ERGIC1: variants seen among roughly 807,000 people sequenced by gnomAD.
ERGIC1 encodes the protein endoplasmic reticulum-Golgi intermediate compartment protein 1.
Under a neutral mutation model 38.3 loss-of-function variants are expected in ERGIC1, and 19 were observed. The observed-to-expected ratio is 0.50, with a 90% confidence interval of 0.35 to 0.73. The LOEUF is 0.73. ERGIC1 is among the 30% of genes least tolerant of loss of function. The pLI is 0.01. For synonymous variants in ERGIC1, 124 were observed against 157.6 expected, an observed-to-expected ratio of 0.79 and a Z score of 1.60; for missense variants, 294 against 389.2, an observed-to-expected ratio of 0.76 and a Z score of 2.06.
rs543040224 is a variant in ERGIC1, at chr5:172,838,845, C to G, written c.20+4412C>G. Among the ~76,000 whole-genome samples the G allele has an allele frequency of 1.4e-4, 21 of 152,354 alleles. No homozygotes were observed. The South Asian group carries it at 4.1e-3, about 30-fold the overall frequency. On this transcript the variant is annotated intron_variant, in intron 1 of 9. Coordinates refer to ENST00000393784, the MANE Select transcript of ERGIC1 (RefSeq NM_001031711.3). The stretch of plus-strand genomic sequence containing the variant: ...GACCTCTGAGCACAGAGTTAACATT[C>G]AGCAGAGAGTAGCTAACATGAATGC...
intron 1 of ERGIC1, chr5:172,867,314 A>G (rs1309995248): frequency 2.4e-6 from 1 of 419,816 alleles, no homozygotes; most frequent in Admixed American, 2.5e-5. Flanking sequence ...GGGCAGGTCC[A>G]GTTTGGATGA....
At chr5:172,877,340 TC>T (rs1473156650) in intron 1 of ERGIC1, among the ~76,000 whole-genome samples, 2 of 151,842 alleles carry the variant, frequency 1.3e-5, no homozygotes, top group African/African-American at 4.8e-5. Context: ...TTCTTTAATT[TC>T]CCTCAGCAGT....
At chr5:172,915,193 G>A (rs1424153790) in intron 5 of ERGIC1, 1 of 614,320 alleles carries the variant, frequency 1.6e-6, no homozygotes, top group Non-Finnish European at 2.9e-6. Context: ...GGCTGAGGGT[G>A]TGATGGCGAT....
intron 1 of ERGIC1, among the ~76,000 whole-genome samples, chr5:172,888,218 G>A (rs556410988): frequency 6.6e-6 from 1 of 152,192 alleles, no homozygotes; most frequent in Admixed American, 6.5e-5. Flanking sequence ...CCAGCACTTT[G>A]GGAGGCCAAG....
intron 4 of ERGIC1, among the ~76,000 whole-genome samples, chr5:172,914,254 A>AAT (rs1554112477): frequency 2.3e-4 from 30 of 131,330 alleles, no homozygotes; most frequent in East Asian, 1.0e-3. Flanking sequence ...AAAAAAAAAA[A>AAT]AAATACAAAG....
Position 172,909,660 on chromosome 5 carries a change from C to T in ERGIC1, c.156-7C>T. On this transcript the variant is annotated splice_polypyrimidine_tract_variant and splice_region_variant and intron_variant, in intron 3 of 9. Coordinates refer to ENST00000393784, the MANE Select transcript of ERGIC1 (RefSeq NM_001031711.3). Reference sequence around the variant, plus strand: ...AACAAAGGTTCCTATACTTGTCTTTCCCCTAGTGTGAACGAGCTCTATGTC... The same window carrying T: ...AACAAAGGTTCCTATACTTGTCTTTTCCCTAGTGTGAACGAGCTCTATGTC... 6.2e-7 allele frequency: 1 copy of T among 1,614,010 alleles called. No homozygotes were observed. Among genetic ancestry groups the T allele is most frequent in the Non-Finnish European group, 8.5e-7 (1 of 1,179,834 alleles).
At chr5:172,884,244 GTTTTT>G (rs71579704) in intron 1 of ERGIC1, among the ~76,000 whole-genome samples, 4 of 90,620 alleles carry the variant, frequency 4.4e-5, no homozygotes, top group African/African-American at 1.7e-4. Flanking sequence ...GGAACCCCAA[GTTTTT>G]TTTTTTTTTT....
chr5:172,918,660 T>A (rs1581574429), intron 5 of ERGIC1, among the ~76,000 whole-genome samples: 1 of 152,162 alleles, frequency 6.6e-6, no homozygotes, highest in Non-Finnish European at 1.5e-5. Context: ...AAAACGCTGA[T>A]GATGAGGAGA....
intron 1 of ERGIC1, chr5:172,867,575 C>A: frequency 2.4e-6 from 1 of 423,074 alleles, no homozygotes; most frequent in South Asian, 1.6e-5. Flanking sequence ...ACTCCACCCC[C>A]GAGTCCTAGC....
At chr5:172,847,235 C>T (rs1323262136) in intron 1 of ERGIC1, among the ~76,000 whole-genome samples, 1 of 152,012 alleles carries the variant, frequency 6.6e-6, no homozygotes, top group Non-Finnish European at 1.5e-5. Context: ...AGGATGGGGA[C>T]AATTGGGTGG....
In ERGIC1 at chr5:172,926,366, C is replaced by T; in HGVS notation, c.481-143C>T. On this transcript the variant is annotated intron_variant, in intron 6 of 9. Transcript: ENST00000393784. The surrounding 1 kb of genome is among the most constrained non-coding windows in gnomAD (Gnocchi z 5.2). ...TGTGCCAGGCCCCTGCTGCCTCTTG[C>T]TCCCCACAAATCCGCTGGAGCCCCC... is the stretch of plus-strand genomic sequence containing the variant. 1.3e-6 allele frequency: 1 copy of T among 791,810 alleles called. No homozygotes were observed. The highest frequency in any genetic ancestry group is 2.1e-6 in the Non-Finnish European group (1 of 481,258). The allele number at this position is 791,810 out of a possible 1,614,324, so 49.0% of individuals were successfully genotyped here.
At chr5:172,932,617 C>T in intron 8 of ERGIC1, 81 bp downstream of exon 8, 1 of 1,380,708 alleles carries the variant, frequency 7.2e-7, no homozygotes, top group Non-Finnish European at 1.0e-6. Flanking sequence ...GCGGCTGCAC[C>T]GACGCACTTT....
intron 1 of ERGIC1, among the ~76,000 whole-genome samples, chr5:172,838,073 G>A (rs932728525): frequency 6.6e-6 from 1 of 152,216 alleles, no homozygotes; most frequent in African/African-American, 2.4e-5. Flanking sequence ...GACCAGATGT[G>A]CTCTGGGACC....
chr5:172,839,383 ACCCC>A (rs1761104907), intron 1 of ERGIC1, among the ~76,000 whole-genome samples: 2 of 38,202 alleles, frequency 5.2e-5, no homozygotes, highest in African/African-American at 2.0e-4. Flanking sequence ...ACATAGCAAG[ACCCC>A]AGACCCCATC....
chr5:172,858,899 A>G (rs1488049354), intron 1 of ERGIC1, among the ~76,000 whole-genome samples: 1 of 152,196 alleles, frequency 6.6e-6, no homozygotes, highest in Admixed American at 6.5e-5. Context: ...TTACTGTTTG[A>G]AGTACTTTGG....
At chr5:172,855,334 G>A (rs765739037) in intron 1 of ERGIC1, among the ~76,000 whole-genome samples, 10 of 152,158 alleles carry the variant, frequency 6.6e-5, no homozygotes, top group Non-Finnish European at 1.5e-4. Context: ...TCTCTGCTGG[G>A]GGCTCCACCC....
intron 6 of ERGIC1, among the ~76,000 whole-genome samples, chr5:172,925,457 A>G (rs1017966852): frequency 3.3e-5 from 5 of 152,104 alleles, no homozygotes; most frequent in African/African-American, 9.7e-5. Context: ...TTGTTGAGGA[A>G]TTGCTTGTTG....
chr5:172,853,961 C>T (rs1761474830), intron 1 of ERGIC1, among the ~76,000 whole-genome samples: 2 of 152,176 alleles, frequency 1.3e-5, no homozygotes, highest in Non-Finnish European at 2.9e-5. Context: ...ACTACAAAAG[C>T]AATTTCAGAA....
intron 5 of ERGIC1, 138 bp from the exon 6 acceptor site, chr5:172,923,867 T>G: frequency 1.3e-6 from 1 of 753,770 alleles, no homozygotes; most frequent in Non-Finnish European, 2.3e-6. Flanking sequence ...CTTTGCACAG[T>G]TGAAAATGAT....
Sources: gnomAD v4.1 joint callset for allele counts (sites outside exome capture counted in the v4.1 genomes callset) on GRCh38, gnomAD v4.1.1 for gene constraint, Gnocchi (gnomAD v3.1) non-coding constraint, MANE v1.5 for transcripts, NCBI Gene and HGNC (gene_info 2026-07-23, HGNC 2026-07-21) for gene names.